SYT14: variants seen among roughly 807,000 people sequenced by gnomAD.
The protein encoded by SYT14 is synaptotagmin-14.
SYT14 carries 32 observed loss-of-function variants against 74.2 expected under a neutral mutation model. The ratio of observed to expected loss-of-function variants is 0.43; its 90% confidence interval spans 0.33 to 0.58. The LOEUF is 0.58. SYT14 is among the 20% of genes least tolerant of loss of function. SYT14 has a pLI of 0.05. For synonymous variants in SYT14, 298 were observed against 337.7 expected (o/e 0.88, Z 1.29); for missense variants, 791 against 981.8 (o/e 0.81, Z 2.60).
chr1:210,104,963 C>T (rs930039731), intron 7 of SYT14, among the ~76,000 whole-genome samples: 1 of 152,060 alleles, frequency 6.6e-6, no homozygotes, highest in Non-Finnish European at 1.5e-5. Flanking sequence ...TGATGTGTTT[C>T]ATCTTGAAAT....
At chr1:210,151,679 A>G (rs1284299187) in intron 7 of SYT14, among the ~76,000 whole-genome samples, 1 of 152,180 alleles carries the variant, frequency 6.6e-6, no homozygotes, top group Non-Finnish European at 1.5e-5. Flanking sequence ...TCTAGGGCAT[A>G]AATTCATAAT....
chr1:210,064,022 A>G (rs1558163424), intron 5 of SYT14, among the ~76,000 whole-genome samples: 2 of 151,998 alleles, frequency 1.3e-5, no homozygotes, highest in Non-Finnish European at 2.9e-5. Flanking sequence ...TTTCCAAATC[A>G]TTTGAAAGCT....
At chr1:209,939,663 T>C (rs1281855612) in intron 1 of SYT14, among the ~76,000 whole-genome samples, 1 of 152,182 alleles carries the variant, frequency 6.6e-6, no homozygotes, top group Non-Finnish European at 1.5e-5. Context: ...AACCCACTGA[T>C]TTATGTTGTG....
intron 5 of SYT14, among the ~76,000 whole-genome samples, chr1:210,033,293 T>C (rs1406026935): frequency 2.6e-5 from 4 of 151,870 alleles, no homozygotes; most frequent in African/African-American, 9.7e-5. Context: ...CTGGCTTCAT[T>C]CATGTTAAAT....
intron 5 of SYT14, among the ~76,000 whole-genome samples, chr1:210,093,129 T>C (rs2081906634): frequency 6.6e-6 from 1 of 152,036 alleles, no homozygotes; most frequent in Admixed American, 6.6e-5. Flanking sequence ...TTTTTCAAAA[T>C]TGGGGCCTCT....
chr1:210,119,176 A>G (rs924018723), intron 7 of SYT14, among the ~76,000 whole-genome samples: 3 of 152,194 alleles, frequency 2.0e-5, no homozygotes, highest in African/African-American at 4.8e-5. Flanking sequence ...AGTAGTGAGG[A>G]TATTTCTTCC....
chr1:210,107,674 A>G (rs1307750771), intron 7 of SYT14, among the ~76,000 whole-genome samples: 1 of 152,196 alleles, frequency 6.6e-6, no homozygotes, highest in African/African-American at 2.4e-5. Context: ...TATTTATGTA[A>G]AGTTCAACTA....
At chr1:209,962,246 G>A (rs1039754390) in intron 2 of SYT14, among the ~76,000 whole-genome samples, 1 of 151,274 alleles carries the variant, frequency 6.6e-6, no homozygotes, top group East Asian at 1.9e-4. Context: ...GTTTTTTCTG[G>A]TTCTTAGCGT....
intron 8 of SYT14, among the ~76,000 whole-genome samples, chr1:210,159,009 TAAA>T (rs1336096773): frequency 1.3e-5 from 2 of 152,072 alleles, no homozygotes; most frequent in African/African-American, 4.8e-5. Flanking sequence ...TTGGGAATAA[TAAA>T]AGTATTTGAA....
In SYT14 at chr1:210,013,840, C is replaced by T. The variant is rs199751542; in HGVS notation, c.-321+43C>T. ...GCTTCTCTTGTTTGTTCTTTTTATC[C>T]GTACTATTATTTACTTATTTTAATA... is the stretch of plus-strand genomic sequence containing the variant. On this transcript the variant is annotated intron_variant, in intron 3 of 9. Transcript: ENST00000637265. The T allele has an allele frequency of 6.1e-4, 964 of 1,574,796 alleles. 2 individuals are homozygous for T. The highest frequency in any genetic ancestry group is 1.1e-3 in the South Asian group (96 of 85,582).
intron 2 of SYT14, among the ~76,000 whole-genome samples, chr1:209,979,649 A>G (rs1312037024): frequency 6.6e-6 from 1 of 151,978 alleles, no homozygotes; most frequent in Non-Finnish European, 1.5e-5. Flanking sequence ...TTTCCCCACC[A>G]TGGGTCCATA....
In SYT14 at chr1:210,047,568, T is replaced by C. The variant is rs545283302; in HGVS notation, c.1312+26314T>C. On this transcript the variant is annotated intron_variant, in intron 5 of 9. Coordinates refer to ENST00000637265, the Ensembl canonical transcript of SYT14. Reference sequence around the variant, plus strand: ...ACCTGCCACCACACCCGGCTGATTTTTTGTATCTTTAGTGGAGATGGAGTT... The same window carrying C: ...ACCTGCCACCACACCCGGCTGATTTCTTGTATCTTTAGTGGAGATGGAGTT... Among the ~76,000 whole-genome samples, 33 of 152,234 alleles carry C rather than the reference T, an allele frequency of 2.2e-4. No individual in the cohort carries two copies. In the South Asian group the frequency reaches 6.6e-3, roughly 31 times the overall value.
At chr1:210,020,005 A>G (rs944267661) in intron 4 of SYT14, among the ~76,000 whole-genome samples, 9 of 152,214 alleles carry the variant, frequency 5.9e-5, no homozygotes, top group African/African-American at 2.2e-4. Context: ...GCCTTTCACA[A>G]GCAGTAAGTG....
At chr1:209,964,234 T>C (rs1208541857) in intron 2 of SYT14, among the ~76,000 whole-genome samples, 1 of 152,184 alleles carries the variant, frequency 6.6e-6, no homozygotes. Flanking sequence ...CACCTGCCGC[T>C]GTGTAAGATG....
chr1:209,969,597 C>G (rs1472766571), intron 2 of SYT14, among the ~76,000 whole-genome samples: 1 of 149,908 alleles, frequency 6.7e-6, no homozygotes, highest in Non-Finnish European at 1.5e-5. Flanking sequence ...AAGTGATTCT[C>G]CTTCCTCAGC....
chr1:210,139,282 T>TA (rs2082865190), intron 7 of SYT14, among the ~76,000 whole-genome samples: 1 of 143,456 alleles, frequency 7.0e-6, no homozygotes. Flanking sequence ...TTTTTTTTTT[T>TA]TTTTTGATTT....
intron 2 of SYT14, among the ~76,000 whole-genome samples, chr1:209,964,798 C>A (rs1343411205): frequency 6.6e-6 from 1 of 152,038 alleles, no homozygotes; most frequent in Non-Finnish European, 1.5e-5. Flanking sequence ...CATGTAAGCA[C>A]CCTCTTCCTA....
At chr1:210,082,991 C>A (rs1247193048) in intron 5 of SYT14, among the ~76,000 whole-genome samples, 1 of 138,324 alleles carries the variant, frequency 7.2e-6, no homozygotes, top group African/African-American at 2.7e-5. Context: ...TTTTTTTTTT[C>A]TTTTTTTGAG....
intron 5 of SYT14, among the ~76,000 whole-genome samples, chr1:210,058,857 A>C (rs1250753655): frequency 6.6e-6 from 1 of 152,188 alleles, no homozygotes; most frequent in Admixed American, 6.5e-5. Flanking sequence ...TGCTGGATGG[A>C]GTAAAGAGGA....
Sources: gnomAD v4.1 joint callset for allele counts (sites outside exome capture counted in the v4.1 genomes callset) on GRCh38, gnomAD v4.1.1 for gene constraint, MANE v1.5 for transcripts, NCBI Gene and HGNC (gene_info 2026-07-23, HGNC 2026-07-21) for gene names.